The following RBFOX3 variants were observed in gnomAD, a reference collection of about 807,000 sequenced individuals.
RBFOX3 encodes the protein RNA binding fox-1 homolog 3, also known as RNA binding protein fox-1 homolog 3.
RBFOX3 carries 17 observed loss-of-function variants against 48.7 expected under a neutral mutation model. The observed-to-expected ratio is 0.35, with a 90% CI of 0.24 to 0.52. RBFOX3 has a LOEUF of 0.52. RBFOX3 is among the 20% of genes least tolerant of loss of function. The pLI, the probability that RBFOX3 is intolerant of heterozygous loss-of-function variation, is 0.94. For synonymous variants in RBFOX3, 212 were observed against 209.5 expected, an observed-to-expected ratio of 1.01 and a Z score of -0.10; for missense variants, 382 against 497.5, an observed-to-expected ratio of 0.77 and a Z score of 2.21.
rs115170570 is a variant in RBFOX3 at position 79,098,694 on chromosome 17, G to A, written c.569-949C>T. 6.8e-3 allele frequency: 1,038 copies of A among 152,494 alleles called. 11 individuals carry two copies. Among genetic ancestry groups the A allele is most frequent in the African/African-American group, 0.023 (944 of 41,590 alleles). The allele number at this position is 152,494 out of a possible 1,614,324, so 9.4% of individuals were successfully genotyped here. On this transcript the variant is annotated intron_variant, in intron 9 of 14. Coordinates refer to ENST00000693108, the MANE Select transcript of RBFOX3 (RefSeq NM_001350451.2). ...CACCAGCTGCCTTGCAGTGGGCTCC[G>A]GCTCCAGGCATTCCGACAGGTTGGG... is the stretch of plus-strand genomic sequence containing the variant.
chr17:79,152,876 C>T (rs2044886927), intron 4 of RBFOX3, among the ~76,000 whole-genome samples: 1 of 152,226 alleles, frequency 6.6e-6, no homozygotes, highest in Non-Finnish European at 1.5e-5. Context: ...GCCGCATTGC[C>T]CATTGCTTTC....
chr17:79,180,637 G>A (rs2051697650), intron 4 of RBFOX3, among the ~76,000 whole-genome samples: 1 of 152,008 alleles, frequency 6.6e-6, no homozygotes, highest in Non-Finnish European at 1.5e-5. Context: ...GGTGGTTTGG[G>A]ATAAGCGGGT....
At chr17:79,341,815 C>A (rs533746824) in intron 2 of RBFOX3, among the ~76,000 whole-genome samples, 61 of 152,368 alleles carry the variant, frequency 4.0e-4, no homozygotes, top group Middle Eastern at 3.4e-3. Context: ...CCATGTGCCC[C>A]TGCAAACCCC....
intron 1 of RBFOX3, among the ~76,000 whole-genome samples, chr17:79,556,610 A>G (rs2091780579): frequency 6.6e-6 from 1 of 152,256 alleles, no homozygotes; most frequent in Non-Finnish European, 1.5e-5. Flanking sequence ...ATGTGAAATT[A>G]ACGGCTACTT....
At chr17:79,370,276 G>A (rs9635664) in intron 2 of RBFOX3, among the ~76,000 whole-genome samples, 19,066 of 152,258 alleles carry the variant, frequency 0.13, 1,539 homozygotes, top group East Asian at 0.27. Context: ...GGGTTGCCAC[G>A]TGTGCAGCCC....
rs959530892 is a variant in RBFOX3 at position 79,204,087 on chromosome 17, C to A, written c.-34+31679G>T. Among the ~76,000 whole-genome samples, 12 of 152,206 alleles carry A rather than the reference C, an allele frequency of 7.9e-5. No homozygotes were observed. Among genetic ancestry groups the A allele is most frequent in the African/African-American group, 2.9e-4 (12 of 41,434 alleles). On this transcript the variant is annotated intron_variant, in intron 4 of 14. Transcript: ENST00000693108. The surrounding 1 kb of genome is among the most constrained non-coding windows in gnomAD (Gnocchi z 4.5). ...CCTGGAGAACCAGCAAAGACCTCAA[C>A]TGAGAAATTTTCTCATGAGATAACA...
intron 1 of RBFOX3, among the ~76,000 whole-genome samples, chr17:79,514,852 GC>G (rs1177131916): frequency 6.6e-6 from 1 of 152,244 alleles, no homozygotes; most frequent in Non-Finnish European, 1.5e-5. Flanking sequence ...ATGGAACCGT[GC>G]AGAAGCTGTG....
At chr17:79,651,725 C>A in the RBFOX3 span, among the ~76,000 whole-genome samples, 2 of 74,754 alleles carry the variant, frequency 2.7e-5, no homozygotes, top group African/African-American at 6.7e-5. Context: ...CTCTCTTTCC[C>A]TCCCTCTCTC....
intron 5 of RBFOX3, among the ~76,000 whole-genome samples, chr17:79,108,615 C>T (rs1346932735): frequency 2.6e-5 from 4 of 152,236 alleles, no homozygotes; most frequent in East Asian, 1.9e-4. Flanking sequence ...CTTGGTCCCT[C>T]GACTCCTGTC....
intron 2 of RBFOX3, among the ~76,000 whole-genome samples, chr17:79,350,207 A>G (rs1297541601): frequency 6.6e-6 from 1 of 152,064 alleles, no homozygotes; most frequent in Non-Finnish European, 1.5e-5. Flanking sequence ...GCCCCTCCTG[A>G]CAGGCAGTTC....
chr17:79,129,700 A>G (rs1049598873), intron 4 of RBFOX3, among the ~76,000 whole-genome samples: 3 of 152,184 alleles, frequency 2.0e-5, no homozygotes, highest in African/African-American at 7.2e-5. Flanking sequence ...AACATTAACA[A>G]CTGGCTCCGT....
chr17:79,633,868 C>T, the RBFOX3 span, among the ~76,000 whole-genome samples: 20 of 152,300 alleles, frequency 1.3e-4, no homozygotes, highest in African/African-American at 4.8e-4. Flanking sequence ...CTGAGACAAA[C>T]TCGTATTTTG....
chr17:79,365,535 C>A (rs903226459), intron 2 of RBFOX3, among the ~76,000 whole-genome samples: 13 of 152,364 alleles, frequency 8.5e-5, no homozygotes, highest in South Asian at 4.1e-4. Flanking sequence ...ACGCGAACAC[C>A]AGATAAATGG....
intron 1 of RBFOX3, among the ~76,000 whole-genome samples, chr17:79,540,672 C>T (rs782806247): frequency 4.6e-5 from 7 of 152,224 alleles, no homozygotes; most frequent in African/African-American, 1.2e-4. Flanking sequence ...GGGCTGAGAG[C>T]GGGGAGCTAC....
Position 79,560,697 on chromosome 17 carries a change from G to A in RBFOX3, c.-320+50129C>T, listed in dbSNP as rs975570533. On this transcript the variant is annotated intron_variant, in intron 1 of 14. Coordinates refer to ENST00000693108, the MANE Select transcript of RBFOX3 (RefSeq NM_001350451.2). The stretch of plus-strand genomic sequence containing the variant: ...TCACCACAGCCAGAACACTCGTGGC[G>A]GGAAGCCGTTCAGTCTCCATCCACA... 5.6e-3 allele frequency among the ~76,000 whole-genome samples: 847 copies of A among 152,178 alleles called. 4 individuals carry two copies. The highest frequency in any genetic ancestry group is 0.019 in the African/African-American group (798 of 41,526).
At chr17:79,265,509 C>A (rs774922718) in intron 3 of RBFOX3, among the ~76,000 whole-genome samples, 3 of 152,220 alleles carry the variant, frequency 2.0e-5, no homozygotes, top group Admixed American at 6.5e-5. Flanking sequence ...AGGACTGCCA[C>A]TTTATTAACT....
chr17:79,092,746 G>T, intron 14 of RBFOX3: 1 of 592,324 alleles, frequency 1.7e-6, no homozygotes, highest in Non-Finnish European at 2.1e-6. Flanking sequence ...AAATAGCCAA[G>T]TCTCGATTTC....
At chr17:79,406,122 C>T (rs1286866436) in intron 2 of RBFOX3, among the ~76,000 whole-genome samples, 1 of 152,190 alleles carries the variant, frequency 6.6e-6, no homozygotes, top group Non-Finnish European at 1.5e-5. Flanking sequence ...CATTTCTGGG[C>T]TCTTGTGAAC....
chr17:79,301,966 T>C (rs1375264097), intron 3 of RBFOX3, among the ~76,000 whole-genome samples: 3 of 152,126 alleles, frequency 2.0e-5, no homozygotes, highest in East Asian at 1.9e-4. Flanking sequence ...GGGTGGTTTC[T>C]AAATTGGTGG....
Sources: gnomAD v4.1 joint callset for allele counts (sites outside exome capture counted in the v4.1 genomes callset) on GRCh38, gnomAD v4.1.1 for gene constraint, Gnocchi (gnomAD v3.1) non-coding constraint, MANE v1.5 for transcripts, NCBI Gene and HGNC (gene_info 2026-07-23, HGNC 2026-07-21) for gene names.